The following VPS41 variants were observed in gnomAD, a reference collection of about 807,000 sequenced individuals.
VPS41 encodes the protein vacuolar protein sorting-associated protein 41 homolog.
Under a neutral mutation model 130.9 loss-of-function variants are expected in VPS41, and 85 were observed. That is an observed-to-expected ratio of 0.65 (90% CI 0.55 to 0.78). The LOEUF is 0.78. VPS41 is among the 30% of genes least tolerant of loss of function. The probability of loss-of-function intolerance (pLI) is 0.00; values close to 1 mark genes in which losing one functional copy is unlikely to be tolerated. For missense variants in VPS41, 874 were observed against 1,018.7 expected, an observed-to-expected ratio of 0.86 and a Z score of 1.93; for synonymous variants, 335 against 332.9, an observed-to-expected ratio of 1.01 and a Z score of -0.07.
Position 38,772,517 on chromosome 7 carries a change from G to A in VPS41, c.1128+5C>T. 1 of 1,575,508 alleles carries A rather than the reference G, an allele frequency of 6.3e-7. No homozygotes were observed. The highest frequency in any genetic ancestry group is 8.7e-7 in the Non-Finnish European group (1 of 1,145,828). On this transcript the variant is annotated splice_donor_5th_base_variant and intron_variant, in intron 13 of 28. Transcript: ENST00000310301. ...ATACTTTCAAAGAAGTAAAATCAAG[G>A]GTACTTCATATTTCTTCTTTTCAAG... is the stretch of plus-strand genomic sequence containing the variant.
rs565991850 is a variant in VPS41 at position 38,799,144 on chromosome 7, T to C, written c.451-2280A>G. Among the ~76,000 whole-genome samples, 10 of 152,218 alleles carry C rather than the reference T, an allele frequency of 6.6e-5. No homozygotes were observed. In the South Asian group the frequency reaches 1.7e-3, roughly 25 times the overall value. On this transcript the variant is annotated intron_variant, in intron 7 of 28. Coordinates refer to ENST00000310301, the MANE Select transcript of VPS41 (RefSeq NM_014396.4). Reference sequence around the variant, plus strand: ...CACTCTGACAAAAGGCAGGCACCTATGGAAAAATCCTGCATTTAAAAGAAT... The same window carrying C: ...CACTCTGACAAAAGGCAGGCACCTACGGAAAAATCCTGCATTTAAAAGAAT...
chr7:38,843,559 G>A (rs1326943022), intron 4 of VPS41, among the ~76,000 whole-genome samples: 1 of 152,062 alleles, frequency 6.6e-6, no homozygotes, highest in Admixed American at 6.5e-5. Context: ...CTGGGCGCCT[G>A]TAATCCCGGC....
intron 10 of VPS41, among the ~76,000 whole-genome samples, chr7:38,786,184 C>A (rs1461583343): frequency 1.3e-5 from 2 of 152,166 alleles, no homozygotes; most frequent in East Asian, 3.8e-4. Context: ...AACAACTTTA[C>A]GGCTAGGCAC....
At chr7:38,748,636 A>C (rs1796034241) in intron 22 of VPS41, among the ~76,000 whole-genome samples, 1 of 151,676 alleles carries the variant, frequency 6.6e-6, no homozygotes, top group Non-Finnish European at 1.5e-5. Flanking sequence ...AGGCACAAGC[A>C]AATCAGATTT....
intron 7 of VPS41, among the ~76,000 whole-genome samples, chr7:38,817,373 G>A (rs561458629): frequency 2.0e-4 from 30 of 152,284 alleles, no homozygotes; most frequent in African/African-American, 7.2e-4. Context: ...GGAGGCCGAG[G>A]AGAGCAGATC....
intron 2 of VPS41, among the ~76,000 whole-genome samples, chr7:38,890,321 T>C (rs571658194): frequency 7.2e-5 from 11 of 152,340 alleles, no homozygotes; most frequent in Non-Finnish European, 1.5e-4. Context: ...ATATAGTATG[T>C]ATAAAACGAC....
chr7:38,793,808 T>C (rs554559448), intron 9 of VPS41, among the ~76,000 whole-genome samples: 2 of 152,282 alleles, frequency 1.3e-5, no homozygotes, highest in East Asian at 1.9e-4. Context: ...ACAGTGGTAC[T>C]GCCTTCTCCT....
intron 4 of VPS41, among the ~76,000 whole-genome samples, chr7:38,830,687 C>T (rs1353162255): frequency 6.6e-6 from 1 of 152,088 alleles, no homozygotes; most frequent in Non-Finnish European, 1.5e-5. Flanking sequence ...AAAAGGCCAC[C>T]CACTGATTGA....
At chr7:38,889,562 A>AC (rs1415580666) in intron 2 of VPS41, among the ~76,000 whole-genome samples, 11 of 119,692 alleles carry the variant, frequency 9.2e-5, no homozygotes, top group Admixed American at 6.4e-4. Context: ...AACAAAACAA[A>AC]AAAAAAAAAA....
intron 4 of VPS41, among the ~76,000 whole-genome samples, chr7:38,859,776 G>GT: frequency 6.6e-6 from 1 of 152,268 alleles, no homozygotes; most frequent in Admixed American, 6.5e-5. Flanking sequence ...GATTAATGTG[G>GT]TTATATGGGC....
intron 4 of VPS41, among the ~76,000 whole-genome samples, chr7:38,862,226 C>T (rs567219198): frequency 5.9e-5 from 9 of 151,784 alleles, no homozygotes; most frequent in Middle Eastern, 3.4e-3. Context: ...TCTAAATGCC[C>T]GAAATTAAAG....
intron 4 of VPS41, among the ~76,000 whole-genome samples, chr7:38,848,887 A>C (rs1358028578): frequency 6.6e-6 from 1 of 152,114 alleles, no homozygotes; most frequent in East Asian, 1.9e-4. Flanking sequence ...AGATTCCACT[A>C]ATGCAATGGG....
intron 7 of VPS41, among the ~76,000 whole-genome samples, chr7:38,800,999 T>C (rs1784714517): frequency 6.6e-6 from 1 of 152,260 alleles, no homozygotes; most frequent in Non-Finnish European, 1.5e-5. Flanking sequence ...TTGCAGTTCC[T>C]ACCAAAATGC....
At chr7:38,789,735 G>A in intron 10 of VPS41, 66 bp downstream of exon 10, 1 of 1,534,540 alleles carries the variant, frequency 6.5e-7, no homozygotes, top group Non-Finnish European at 9.0e-7. Context: ...GTCTGGGTGA[G>A]ATTAATGAAG....
At chr7:38,792,124 G>T (rs1393109223) in intron 9 of VPS41, among the ~76,000 whole-genome samples, 1 of 152,164 alleles carries the variant, frequency 6.6e-6, no homozygotes, top group Admixed American at 6.5e-5. Context: ...TGGTAGCTGG[G>T]CATGGCTCTA....
intron 7 of VPS41, among the ~76,000 whole-genome samples, chr7:38,812,798 A>T (rs1390812068): frequency 2.0e-5 from 3 of 152,210 alleles, no homozygotes; most frequent in Admixed American, 6.5e-5. Flanking sequence ...GGTCAACATC[A>T]TCAGTCATTA....
At chr7:38,845,011 A>G (rs1785693256) in intron 4 of VPS41, among the ~76,000 whole-genome samples, 1 of 152,284 alleles carries the variant, frequency 6.6e-6, no homozygotes, top group Non-Finnish European at 1.5e-5. Flanking sequence ...TTAGATAGAC[A>G]TTGGTTTTCT....
chr7:38,799,835 A>G (rs1385022320), intron 7 of VPS41, among the ~76,000 whole-genome samples: 1 of 152,156 alleles, frequency 6.6e-6, no homozygotes, highest in Non-Finnish European at 1.5e-5. Flanking sequence ...CAATACAGCA[A>G]TGTTTCTAGA....
intron 24 of VPS41, 62 bp downstream of exon 24, chr7:38,743,340 A>G: frequency 6.3e-7 from 1 of 1,590,288 alleles, no homozygotes; most frequent in Non-Finnish European, 8.6e-7. Context: ...TTTTTAATCT[A>G]GACATAACTG....
Sources: gnomAD v4.1 joint callset for allele counts (sites outside exome capture counted in the v4.1 genomes callset) on GRCh38, gnomAD v4.1.1 for gene constraint, MANE v1.5 for transcripts, NCBI Gene and HGNC (gene_info 2026-07-23, HGNC 2026-07-21) for gene names.